FER1L6: variants seen among roughly 807,000 people sequenced by gnomAD.
FER1L6 encodes the protein fer-1-like protein 6.
A neutral mutation model predicts 219.2 loss-of-function variants in FER1L6; 177 were observed. That is an observed-to-expected ratio of 0.81 (90% CI 0.71 to 0.91). FER1L6 has a LOEUF of 0.91. FER1L6 is among the 40% of genes least tolerant of loss of function. FER1L6 has a pLI of 0.00. For synonymous variants in FER1L6, 768 were observed against 824.3 expected (o/e 0.93, Z 1.17); for missense variants, 2,153 against 2,259.9 (o/e 0.95, Z 0.96).
chr8:123,949,565 CT>C (rs1356069498), intron 1 of FER1L6, among the ~76,000 whole-genome samples: 6 of 152,270 alleles, frequency 3.9e-5, no homozygotes, highest in Admixed American at 3.9e-4. Flanking sequence ...ACCTCAATTG[CT>C]GGTGAAGCTC....
At chr8:124,039,490 G>A (rs1246244796) in intron 19 of FER1L6, among the ~76,000 whole-genome samples, 1 of 152,174 alleles carries the variant, frequency 6.6e-6, no homozygotes, top group Non-Finnish European at 1.5e-5. Flanking sequence ...ATTTTAGAAA[G>A]AGAAGAGGAT....
At chr8:124,044,138 T>G (rs1819620578) in intron 20 of FER1L6, among the ~76,000 whole-genome samples, 2 of 152,232 alleles carry the variant, frequency 1.3e-5, no homozygotes, top group Non-Finnish European at 2.9e-5. Context: ...CAAATTGCTT[T>G]GGTATTACGC....
chr8:124,049,278 C>A (rs904761560), intron 21 of FER1L6, among the ~76,000 whole-genome samples: 1 of 152,078 alleles, frequency 6.6e-6, no homozygotes, highest in African/African-American at 2.4e-5. Flanking sequence ...GATCTCTTGA[C>A]CTCATGATAC....
chr8:123,894,250 T>C (rs1563676021), intron 1 of FER1L6, among the ~76,000 whole-genome samples: 1 of 152,192 alleles, frequency 6.6e-6, no homozygotes, highest in African/African-American at 2.4e-5. Flanking sequence ...ATTGCTTCCT[T>C]ACCCTTTCCG....
intron 12 of FER1L6, among the ~76,000 whole-genome samples, chr8:123,992,326 C>G (rs2130425182): frequency 6.9e-6 from 1 of 145,980 alleles, no homozygotes; most frequent in South Asian, 2.3e-4. Context: ...ATCCATCTGG[C>G]CCTAGGATTT....
chr8:123,913,839 G>GA (rs531900414), intron 1 of FER1L6, among the ~76,000 whole-genome samples: 2,501 of 140,460 alleles, frequency 0.018, 26 homozygotes, highest in African/African-American at 0.037. Flanking sequence ...TAATTTTCTT[G>GA]AAAAAAAAAA....
intron 25 of FER1L6, among the ~76,000 whole-genome samples, chr8:124,063,267 T>A (rs1820673054): frequency 6.6e-6 from 1 of 152,208 alleles, no homozygotes; most frequent in Non-Finnish European, 1.5e-5. Flanking sequence ...TGTCTATAAT[T>A]CCTATCTATG....
chr8:123,898,690 T>TACACACACACACACAC, intron 1 of FER1L6, among the ~76,000 whole-genome samples: 2 of 146,106 alleles, frequency 1.4e-5, no homozygotes, highest in African/African-American at 5.0e-5. Flanking sequence ...TACATATATG[T>TACACACACACACACAC]ACATATATGT....
chr8:123,903,707 A>G (rs1000140697), intron 1 of FER1L6, among the ~76,000 whole-genome samples: 2 of 152,064 alleles, frequency 1.3e-5, no homozygotes, highest in East Asian at 1.9e-4. Context: ...ACGCTTACGT[A>G]TGTTCACATT....
chr8:123,872,512 C>T (rs765720721), intron 1 of FER1L6, among the ~76,000 whole-genome samples: 1 of 152,114 alleles, frequency 6.6e-6, no homozygotes, highest in Admixed American at 6.6e-5. Context: ...GGAAGTAATA[C>T]ATTATGAAAA....
At chr8:123,918,080 C>T (rs921858054) in intron 1 of FER1L6, among the ~76,000 whole-genome samples, 2 of 152,110 alleles carry the variant, frequency 1.3e-5, no homozygotes, top group Admixed American at 6.5e-5. Context: ...GAGGCCAAGG[C>T]GAGTGGATAG....
chr8:124,116,346 A>T (rs1248973347), intron 39 of FER1L6, among the ~76,000 whole-genome samples: 3 of 151,270 alleles, frequency 2.0e-5, no homozygotes, highest in Non-Finnish European at 4.4e-5. Context: ...TGCGATAGCC[A>T]AAAAGGGTAT....
chr8:124,111,936 G>T lies in FER1L6; in HGVS notation c.5290-6908G>T, dbSNP rs900372025. 6.6e-6 allele frequency among the ~76,000 whole-genome samples: 1 copy of T among 151,400 alleles called. No individual in the cohort carries two copies. The highest frequency in any genetic ancestry group is 2.4e-5 in the African/African-American group (1 of 41,198). Reference sequence around the variant, plus strand: ...CCCAGCTCCTATTCAAGATGGAGTTGCTCTGGTTCAAATGCCTCTGACACT... The same window carrying T: ...CCCAGCTCCTATTCAAGATGGAGTTTCTCTGGTTCAAATGCCTCTGACACT... On this transcript the variant is annotated intron_variant, in intron 39 of 40. Transcript: ENST00000522917. The surrounding 1 kb of genome is among the most constrained non-coding windows in gnomAD (Gnocchi z 5.0).
intron 21 of FER1L6, among the ~76,000 whole-genome samples, chr8:124,048,174 A>G (rs1259390672): frequency 6.6e-6 from 1 of 152,236 alleles, no homozygotes; most frequent in Non-Finnish European, 1.5e-5. Flanking sequence ...CATCTCAACC[A>G]AGTTTCCTTC....
intron 1 of FER1L6, among the ~76,000 whole-genome samples, chr8:123,883,559 G>A (rs549504908): frequency 6.6e-5 from 10 of 152,164 alleles, no homozygotes; most frequent in Admixed American, 6.5e-5. Context: ...TCAGGTTGAC[G>A]TCTGTTCAGA....
chr8:123,855,752 GTA>G lies in FER1L6; in HGVS notation c.-8+3575_-8+3576del, dbSNP rs1313767555. Reference sequence around the variant, plus strand: ...ATATACGTAATATGTGTGTATGTGTGTATATATATGTGTGTGTATATATATGT... The same window carrying G: ...ATATACGTAATATGTGTGTATGTGTGTATATATGTGTGTGTATATATATGT... On this transcript the variant is annotated intron_variant, in intron 1 of 40. Transcript: ENST00000522917. Among the ~76,000 whole-genome samples, 5 of 146,484 alleles carry G rather than the reference GTA, an allele frequency of 3.4e-5. 1 individual carries two copies. Among genetic ancestry groups the G allele is most frequent in the South Asian group, 4.2e-4 (2 of 4,732 alleles).
chr8:124,067,663 T>C lies in FER1L6; in HGVS notation c.3679-104T>C. 2.9e-6 allele frequency: 3 copies of C among 1,037,424 alleles called. No individual in the cohort carries two copies. In the East Asian group the frequency reaches 7.9e-5, roughly 27 times the overall value. The allele number at this position is 1,037,424 out of a possible 1,614,324, so 64.3% of individuals were successfully genotyped here. A position where few individuals can be genotyped will look rare whatever the true frequency, so the allele number is the denominator to read the frequency against. On this transcript the variant is annotated intron_variant, in intron 27 of 40. Coordinates refer to ENST00000522917, the MANE Select transcript of FER1L6 (RefSeq NM_001039112.2). Reference sequence around the variant, plus strand: ...TGCTTACAGACTGTTTGAATACTCTTTTAAAATAGTGTCTCTGGGAATGCA... The same window carrying C: ...TGCTTACAGACTGTTTGAATACTCTCTTAAAATAGTGTCTCTGGGAATGCA...
At chr8:124,075,627 C>T (rs1325271595) in intron 31 of FER1L6, among the ~76,000 whole-genome samples, 1 of 152,148 alleles carries the variant, frequency 6.6e-6, no homozygotes, top group Non-Finnish European at 1.5e-5. Context: ...GTATTATATA[C>T]TATACATGAT....
At chr8:123,939,236 T>A (rs963687731) in intron 1 of FER1L6, 2 of 965,896 alleles carry the variant, frequency 2.1e-6, no homozygotes, top group African/African-American at 3.5e-5. Context: ...TTGGGAACCA[T>A]GACATTCTGT....
Sources: gnomAD v4.1 joint callset for allele counts (sites outside exome capture counted in the v4.1 genomes callset) on GRCh38, gnomAD v4.1.1 for gene constraint, Gnocchi (gnomAD v3.1) non-coding constraint, MANE v1.5 for transcripts, NCBI Gene and HGNC (gene_info 2026-07-23, HGNC 2026-07-21) for gene names.